Variants in KCNQ1 observed in about 807,000 individuals in gnomAD.
KCNQ1 encodes potassium voltage-gated channel subfamily Q member 1, also known as potassium voltage-gated channel subfamily KQT member 1.
In KCNQ1, 49 loss-of-function variants were observed where a neutral mutation model predicts 72.4. The observed-to-expected ratio is 0.68, with a 90% confidence interval of 0.54 to 0.86. The LOEUF (loss-of-function observed/expected upper bound fraction) is 0.86. KCNQ1 is among the 40% of genes least tolerant of loss of function. The pLI is 0.00. For synonymous variants in KCNQ1, 450 were observed against 412.6 expected (o/e 1.09, Z -1.10); for missense variants, 790 against 945.1 (o/e 0.84, Z 2.15).
intron 1 of KCNQ1, among the ~76,000 whole-genome samples, chr11:2,490,659 C>A (rs1846822300): frequency 1.3e-5 from 2 of 152,198 alleles, no homozygotes; most frequent in South Asian, 4.1e-4. Context: ...TCTTCTGGAT[C>A]TTATCTAAGA....
At chr11:2,719,287 C>T (rs185327335) in intron 11 of KCNQ1, among the ~76,000 whole-genome samples, 2,775 of 141,330 alleles carry the variant, frequency 0.02, 55 homozygotes, top group Admixed American at 0.026. Flanking sequence ...GGAGGCCAGG[C>T]GTTAGAGACC....
In KCNQ1 at chr11:2,468,361, A is replaced by G. The variant is rs1846385136; in HGVS notation, c.386+22877A>G. On this transcript the variant is annotated intron_variant, in intron 1 of 15. Transcript: ENST00000155840. This position sits in a 1 kb window ranked among gnomAD's most constrained non-coding sequence, Gnocchi z 5.7. The stretch of plus-strand genomic sequence containing the variant: ...GGGGTCTTGCTATATTGCCCAGTCT[A>G]GTCTCAAGCTCCTGAGCTCAAGCGA... Among the ~76,000 whole-genome samples the G allele has an allele frequency of 6.6e-6, 1 of 152,164 alleles. No individual in the cohort carries two copies.
intron 11 of KCNQ1, among the ~76,000 whole-genome samples, chr11:2,761,272 T>C (rs1181048147): frequency 9.9e-5 from 11 of 110,812 alleles, no homozygotes; most frequent in Admixed American, 9.8e-4. Flanking sequence ...GGCCTGTCGG[T>C]GCCTGTTGGT....
intron 1 of KCNQ1, among the ~76,000 whole-genome samples, chr11:2,461,171 C>A (rs1045700677): frequency 6.6e-6 from 1 of 152,144 alleles, no homozygotes. Flanking sequence ...ACTCGGTGTC[C>A]GACCTGGTGA....
At chr11:2,529,011 G>A (rs1391968149) in intron 2 of KCNQ1, among the ~76,000 whole-genome samples, 1 of 152,340 alleles carries the variant, frequency 6.6e-6, no homozygotes, top group South Asian at 2.1e-4. Context: ...GGTTAACTGT[G>A]TGTGCTCCAT....
chr11:2,632,835 T>C, intron 10 of KCNQ1: 1 of 398,438 alleles, frequency 2.5e-6, no homozygotes, highest in Non-Finnish European at 4.4e-6. Context: ...GAGATTTAAG[T>C]TGATTCCATA....
intron 15 of KCNQ1, among the ~76,000 whole-genome samples, chr11:2,795,132 C>T (rs1847105976): frequency 1.3e-5 from 2 of 152,222 alleles, no homozygotes; most frequent in African/African-American, 4.8e-5. Context: ...GCCAAGAAGC[C>T]AGGGCATCAC....
rs1301140878 is a variant in KCNQ1, at chr11:2,458,707, C to T, written c.386+13223C>T. 1.3e-5 allele frequency among the ~76,000 whole-genome samples: 2 copies of T among 151,944 alleles called. No homozygotes were observed. The highest frequency in any genetic ancestry group is 2.9e-5 in the Non-Finnish European group (2 of 67,986). On this transcript the variant is annotated intron_variant, in intron 1 of 15. Coordinates refer to ENST00000155840, the MANE Select transcript of KCNQ1 (RefSeq NM_000218.3). The surrounding 1 kb of genome is among the most constrained non-coding windows in gnomAD (Gnocchi z 4.6). ...TGGATCGATCGATCTCACCAAGCCT[C>T]GTGCTCTAAGTACAAGTTTACTGGA...
intron 10 of KCNQ1, chr11:2,636,917 G>T (rs538542338): frequency 3.9e-5 from 6 of 152,182 alleles, no homozygotes; most frequent in African/African-American, 1.4e-4. Flanking sequence ...GTCTTGGAAG[G>T]GTGTATGTCT....
At chr11:2,503,950 A>G (rs979034259) in intron 1 of KCNQ1, among the ~76,000 whole-genome samples, 6 of 152,154 alleles carry the variant, frequency 3.9e-5, no homozygotes, top group African/African-American at 1.4e-4. Flanking sequence ...AAATAGAGCT[A>G]CCTCTGATCC....
intron 11 of KCNQ1, among the ~76,000 whole-genome samples, chr11:2,729,639 G>A (rs1410920384): frequency 1.3e-5 from 2 of 152,216 alleles, no homozygotes; most frequent in Non-Finnish European, 2.9e-5. Context: ...ACAATAGAGT[G>A]GGTCACGCAG....
intron 1 of KCNQ1, among the ~76,000 whole-genome samples, chr11:2,480,187 C>T (rs892023420): frequency 6.6e-6 from 1 of 152,214 alleles, no homozygotes; most frequent in Non-Finnish European, 1.5e-5. Flanking sequence ...AACTGTCCAA[C>T]CTCTGCCTCT....
At chr11:2,749,956 T>G (rs1846199798) in intron 11 of KCNQ1, among the ~76,000 whole-genome samples, 1 of 65,532 alleles carries the variant, frequency 1.5e-5, no homozygotes. Context: ...TGAGACTCTG[T>G]CTCCAAAAAA....
chr11:2,732,485 C>T (rs1024643154), intron 11 of KCNQ1, among the ~76,000 whole-genome samples: 1 of 152,200 alleles, frequency 6.6e-6, no homozygotes, highest in Non-Finnish European at 1.5e-5. Flanking sequence ...TCAGACCTTG[C>T]CTGGTACCTT....
intron 10 of KCNQ1, chr11:2,618,904 T>C: frequency 2.5e-6 from 1 of 398,324 alleles, no homozygotes; most frequent in Non-Finnish European, 4.4e-6. Context: ...TCTTTTTGGC[T>C]AAATTTATTC....
chr11:2,814,134 A>G (rs1487489755), intron 15 of KCNQ1, among the ~76,000 whole-genome samples: 1 of 137,212 alleles, frequency 7.3e-6, no homozygotes, highest in African/African-American at 3.1e-5. Flanking sequence ...TGGGTGGATA[A>G]TGGATGGATG....
chr11:2,631,483 T>C, intron 10 of KCNQ1: 1 of 393,588 alleles, frequency 2.5e-6, no homozygotes, highest in South Asian at 1.3e-4. Context: ...GTATTAATGA[T>C]TTCATTAGGT....
intron 1 of KCNQ1, among the ~76,000 whole-genome samples, chr11:2,519,536 C>G (rs906379235): frequency 3.3e-5 from 5 of 152,172 alleles, no homozygotes; most frequent in Non-Finnish European, 5.9e-5. Context: ...GGGAGGATCG[C>G]TTGAGCCCAG....
rs1273323717 is a variant in KCNQ1, at chr11:2,762,164, T to C, written c.1515-6680T>C. 6.6e-6 allele frequency among the ~76,000 whole-genome samples: 1 copy of C among 152,178 alleles called. No homozygotes were observed. The highest frequency in any genetic ancestry group is 6.5e-5 in the Admixed American group (1 of 15,274). Reference sequence around the variant, plus strand: ...CGTGAGGCCAGGGTAATAGTTCCTCTCGTGTGTCAGGCCTGGGAGGGGGGC... The same window carrying C: ...CGTGAGGCCAGGGTAATAGTTCCTCCCGTGTGTCAGGCCTGGGAGGGGGGC... On this transcript the variant is annotated intron_variant, in intron 11 of 15. Transcript: ENST00000155840. This position sits in a 1 kb window ranked among gnomAD's most constrained non-coding sequence, Gnocchi z 4.3.
Sources: allele counts gnomAD v4.1 joint callset (sites outside exome capture counted in the v4.1 genomes callset), GRCh38; gene constraint gnomAD v4.1.1; non-coding constraint Gnocchi (gnomAD v3.1); transcripts MANE v1.5; gene names NCBI Gene and HGNC (gene_info 2026-07-23, HGNC 2026-07-21).